PKHD1L1: variants seen among roughly 807,000 people sequenced by gnomAD.
PKHD1L1 encodes fibrocystin-L.
Under a neutral mutation model 462.9 loss-of-function variants are expected in PKHD1L1, and 434 were observed. The ratio of observed to expected loss-of-function variants is 0.94; its 90% CI spans 0.87 to 1.02. PKHD1L1 has a LOEUF of 1.02. Among genes scored for constraint, PKHD1L1 ranks in the 50% least tolerant of loss-of-function variants. The probability of loss-of-function intolerance (pLI) is 0.00; values close to 1 mark genes in which losing one functional copy is unlikely to be tolerated. For synonymous variants in PKHD1L1, 1,781 were observed against 1,750.0 expected (o/e 1.02, Z -0.44); for missense variants, 5,202 against 5,096.1 (o/e 1.02, Z -0.63).
chr8:109,442,261 TGTGTAG>T, intron 35 of PKHD1L1, 66 bp downstream of exon 35: 1 of 1,403,970 alleles, frequency 7.1e-7, no homozygotes, highest in Non-Finnish European at 9.6e-7. Context: ...AATGACATTT[TGTGTAG>T]ATTTAATACA....
chr8:109,442,119 T>A lies in PKHD1L1; in HGVS notation c.4317T>A (p.Ile1439=), dbSNP rs1330028840. The A allele has an allele frequency of 1.2e-6, 2 of 1,613,438 alleles. No individual in the cohort carries two copies. Among genetic ancestry groups the A allele is most frequent in the East Asian group, 2.2e-5 (1 of 44,856 alleles). ...TTCTTAGAGGGATAGGATATAGGAT[T>A]TTTTCTGTCTCCAGTCCTGGAAGTG... is the stretch of plus-strand genomic sequence containing the variant. ...HPFLRGIGYR[I]FSVSSPGSVI... The change falls in exon 35 of 78, where the codon ATT becomes ATA. Residue 1439 remains isoleucine, a synonymous_variant. Coordinates refer to ENST00000378402, the MANE Select transcript of PKHD1L1 (RefSeq NM_177531.6).
Position 109,438,369 on chromosome 8 carries a change from C to T in PKHD1L1, c.3673C>T (p.Gln1225Ter). The T allele has an allele frequency of 2.6e-6, 4 of 1,540,840 alleles. No homozygotes were observed. Among genetic ancestry groups the T allele is most frequent in the Non-Finnish European group, 3.5e-6 (4 of 1,138,700 alleles). ...TATTTCAGTTACTACCAATGGATTT[C>T]AAGCCACAGCAAGGGATGCTTTTAG... ...VDISVTTNGF[Q>*]ATARDAFSYN... The change falls in exon 31 of 78, where the codon CAA becomes TAA. Residue 1225 changes from glutamine to a stop codon, truncating the protein, a stop_gained. Transcript: ENST00000378402. LOFTEE classifies it high-confidence loss of function.
chr8:109,482,820 G>T (rs1264406848), intron 56 of PKHD1L1, among the ~76,000 whole-genome samples, 167 bp from the exon 57 acceptor site: 4 of 151,638 alleles, frequency 2.6e-5, no homozygotes, highest in African/African-American at 9.7e-5. Context: ...GTGGGTTAAA[G>T]GGCCACGTCT....
chr8:109,508,284 A>G lies in PKHD1L1; in HGVS notation c.11395+20A>G. The stretch of plus-strand genomic sequence containing the variant: ...TTAATGGTAGGTATTCAATATGAGT[A>G]AACTACAATTACTCAAAACATTGCT... On this transcript the variant is annotated intron_variant, in intron 70 of 77. Transcript: ENST00000378402. 6.3e-7 allele frequency: 1 copy of G among 1,578,504 alleles called. No homozygotes were observed. Among genetic ancestry groups the G allele is most frequent in the Non-Finnish European group, 8.6e-7 (1 of 1,162,206 alleles).
chr8:109,391,676 G>T (rs952388429), intron 9 of PKHD1L1, among the ~76,000 whole-genome samples: 1 of 151,984 alleles, frequency 6.6e-6, no homozygotes, highest in Non-Finnish European at 1.5e-5. Flanking sequence ...GGAAAGATCC[G>T]GTAATTTCTT....
rs71303459 is a variant in PKHD1L1, at chr8:109,410,726, C to CTTTTTTTTTTTTTTTT, written c.2085+754_2085+769dup. On this transcript the variant is annotated intron_variant, in intron 19 of 77. Coordinates refer to ENST00000378402, the MANE Select transcript of PKHD1L1 (RefSeq NM_177531.6). ...TTCTTTTTTCTTTTCTTTTCTTTTT[C>CTTTTTTTTTTTTTTTT]TTTTTTTTTTTTTTTTTTTTTGAGA... 1.5e-3 allele frequency among the ~76,000 whole-genome samples: 102 copies of CTTTTTTTTTTTTTTTT among 68,384 alleles called. 2 individuals are homozygous for CTTTTTTTTTTTTTTTT. The highest frequency in any genetic ancestry group is 1.8e-3 in the Non-Finnish European group (71 of 39,616). 44.9% of individuals were successfully genotyped at this position (68,384 alleles called of 152,430 possible).
intron 51 of PKHD1L1, among the ~76,000 whole-genome samples, chr8:109,475,658 G>A (rs576860147): frequency 4.6e-5 from 7 of 150,810 alleles, no homozygotes; most frequent in African/African-American, 1.5e-4. Context: ...CCAACATGGA[G>A]AAACCTCGTC....
rs1156521793 is a variant in PKHD1L1, at chr8:109,536,869, GAAAT to G, written c.*6783_*6786del. ...AAGTTAATTTTCATTTAATAGAAAA[GAAAT>G]AAAAAATCTGCTTCAGACTGTTTGA... is the stretch of plus-strand genomic sequence containing the variant. On this transcript the variant is annotated 3_prime_UTR_variant, in exon 78 of 78. Coordinates refer to ENST00000378402, the MANE Select transcript of PKHD1L1 (RefSeq NM_177531.6). Among the ~76,000 whole-genome samples, 4 of 151,996 alleles carry G rather than the reference GAAAT, an allele frequency of 2.6e-5. No individual in the cohort carries two copies. The East Asian group carries it at 7.7e-4, about 29-fold the overall frequency.
intron 68 of PKHD1L1, among the ~76,000 whole-genome samples, chr8:109,504,791 C>T (rs1380880205): frequency 1.3e-5 from 2 of 152,038 alleles, no homozygotes; most frequent in African/African-American, 4.8e-5. Flanking sequence ...GTGTGTTATA[C>T]ATTAATATCT....
chr8:109,441,112 A>G (rs984969008), intron 33 of PKHD1L1, among the ~76,000 whole-genome samples, 163 bp from the exon 34 acceptor site: 1 of 152,150 alleles, frequency 6.6e-6, no homozygotes. Flanking sequence ...GTACTCACAC[A>G]TGATTACTAT....
chr8:109,493,335 G>A (rs867005492), intron 62 of PKHD1L1, among the ~76,000 whole-genome samples: 4 of 150,856 alleles, frequency 2.7e-5, no homozygotes, highest in Admixed American at 6.6e-5. Flanking sequence ...TTACCTTCTT[G>A]TAATACTGGA....
intron 47 of PKHD1L1, among the ~76,000 whole-genome samples, chr8:109,460,864 C>A (rs995121428): frequency 6.6e-6 from 1 of 152,114 alleles, no homozygotes; most frequent in Non-Finnish European, 1.5e-5. Context: ...TCAGCACGGG[C>A]TTCTGTGATG....
At chr8:109,378,257 C>T (rs763052560) in intron 2 of PKHD1L1, among the ~76,000 whole-genome samples, 16 of 152,204 alleles carry the variant, frequency 1.1e-4, no homozygotes, top group Non-Finnish European at 1.9e-4. Flanking sequence ...TGTCTTCACT[C>T]CTGCCCCTAT....
intron 27 of PKHD1L1, 146 bp from the exon 28 acceptor site, chr8:109,432,959 GT>G: frequency 1.7e-6 from 1 of 579,460 alleles, no homozygotes; most frequent in Non-Finnish European, 3.0e-6. Flanking sequence ...ACAAATAAAT[GT>G]GGATTTTTCT....
intron 63 of PKHD1L1, 43 bp downstream of exon 63, chr8:109,493,794 T>A (rs2130928194): frequency 7.9e-7 from 1 of 1,268,642 alleles, no homozygotes; most frequent in East Asian, 2.4e-5. Flanking sequence ...AGGAAATAAC[T>A]TGTACAAAAT....
Position 109,452,774 on chromosome 8 carries a change from A to G in PKHD1L1, c.6564A>G (p.Gly2188=), listed in dbSNP as rs769223422. Residue 2188 remains glycine, a synonymous_variant, in exon 43 of 78, where the codon GGA becomes GGG. Coordinates refer to ENST00000378402, the MANE Select transcript of PKHD1L1 (RefSeq NM_177531.6). ...DAWSSNFSWG[G]KSPPEEGSLV... ...GGTCCTCCAATTTCTCATGGGGGGG[A>G]AAATCTCCCCCAGAAGAAGGATCTC... 120 of 1,528,914 alleles carry G rather than the reference A, an allele frequency of 7.8e-5. No individual in the cohort carries two copies. The highest frequency in any genetic ancestry group is 7.0e-5 in the African/African-American group (5 of 71,656). 94.7% of individuals were successfully genotyped at this position (1,528,914 alleles called of 1,614,324 possible).
chr8:109,411,398 C>G (rs776153501), intron 19 of PKHD1L1, among the ~76,000 whole-genome samples: 10 of 152,124 alleles, frequency 6.6e-5, no homozygotes, highest in Non-Finnish European at 1.3e-4. Flanking sequence ...AAAAATATCT[C>G]TCATGATACT....
In PKHD1L1 at chr8:109,490,997, T is replaced by G. The variant is rs929541259; in HGVS notation, c.10010T>G (p.Ile3337Ser). 1 of 1,608,516 alleles carries G rather than the reference T, an allele frequency of 6.2e-7. No homozygotes were observed. The highest frequency in any genetic ancestry group is 8.5e-7 in the Non-Finnish European group (1 of 1,176,166). The part of the protein sequence containing the change: ...GQIQEHGSSY[I>S]RGCAFHHGFS... ...ATTCAAGAACATGGCTCATCTTATA[T>G]TCGAGGCTGTGCTTTTCACCATGGC... The change falls in exon 61 of 78, where the codon ATT (isoleucine) becomes AGT (serine). Residue 3337 changes from isoleucine to serine, a missense_variant. Transcript: ENST00000378402.
intron 49 of PKHD1L1, 94 bp downstream of exon 49, chr8:109,465,339 C>T: frequency 7.7e-7 from 1 of 1,304,508 alleles, no homozygotes; most frequent in Non-Finnish European, 1.0e-6. Flanking sequence ...AGGTGCCTTA[C>T]AGATCTTACC....
Sources: allele counts gnomAD v4.1 joint callset (sites outside exome capture counted in the v4.1 genomes callset), GRCh38; gene constraint gnomAD v4.1.1; transcripts MANE v1.5; gene names NCBI Gene and HGNC (gene_info 2026-07-23, HGNC 2026-07-21).